The following EIF5A2 variants were observed in gnomAD, a reference collection of about 807,000 sequenced individuals.
EIF5A2 encodes eukaryotic translation initiation factor 5A2.
EIF5A2 carries 15 observed loss-of-function variants against 16.4 expected under a neutral mutation model. That is an observed-to-expected ratio of 0.92 (90% CI 0.61 to 1.41). The LOEUF is 1.41. EIF5A2 is among the 40% of genes most tolerant of loss of function. EIF5A2 has a pLI of 0.00. For synonymous variants in EIF5A2, 48 were observed against 61.1 expected (o/e 0.79, Z 1.00); for missense variants, 144 against 189.5 (o/e 0.76, Z 1.41).
rs1712567602 is a variant in EIF5A2, at chr3:170,892,762, C to T, written c.*598G>A. 6 of 398,582 alleles carry T rather than the reference C, an allele frequency of 1.5e-5. No individual in the cohort carries two copies. The East Asian group carries it at 2.1e-4, about 14-fold the overall frequency. The allele number at this position is 398,582 out of a possible 1,614,324, so 24.7% of individuals were successfully genotyped here. A position where few individuals can be genotyped will look rare whatever the true frequency, so the allele number is the denominator to read the frequency against. On this transcript the variant is annotated 3_prime_UTR_variant, in exon 5 of 5. Coordinates refer to ENST00000295822, the MANE Select transcript of EIF5A2 (RefSeq NM_020390.6). ...AACCATAAGAAGGGACTAAAACCAC[C>T]ATATAAGGTTACATCAAGTTTGCCA...
intron 3 of EIF5A2, among the ~76,000 whole-genome samples, chr3:170,899,608 G>GA (rs1712760525): frequency 3.3e-5 from 5 of 151,878 alleles, no homozygotes; most frequent in Non-Finnish European, 7.4e-5. Context: ...ATCCTATCAG[G>GA]AGGCAAATGT....
chr3:170,890,985 T>C lies in EIF5A2; in HGVS notation c.*2375A>G, dbSNP rs2108290772. 1 of 152,726 alleles carries C rather than the reference T, an allele frequency of 6.5e-6. No homozygotes were observed. The highest frequency in any genetic ancestry group is 2.1e-4 in the South Asian group (1 of 4,830). 9.5% of individuals were successfully genotyped at this position (152,726 alleles called of 1,614,324 possible). On this transcript the variant is annotated 3_prime_UTR_variant, in exon 5 of 5. Coordinates refer to ENST00000295822, the MANE Select transcript of EIF5A2 (RefSeq NM_020390.6). The stretch of plus-strand genomic sequence containing the variant: ...TTATATATCGAGTATTTACACTTCA[T>C]ATATTACTTAAAATGAAAATATTTA...
rs1712480800 is a variant in EIF5A2, at chr3:170,889,624, C to A, written c.*3736G>T. On this transcript the variant is annotated 3_prime_UTR_variant, in exon 5 of 5. Coordinates refer to ENST00000295822, the MANE Select transcript of EIF5A2 (RefSeq NM_020390.6). ...AAATATGCTTATATTTTCACTCTTA[C>A]ACTGCTTAAGAGCCATATTTTCTCA... is the stretch of plus-strand genomic sequence containing the variant. 6.6e-6 allele frequency: 1 copy of A among 152,530 alleles called. No individual in the cohort carries two copies. The allele number at this position is 152,530 out of a possible 1,614,324, so 9.4% of individuals were successfully genotyped here.
chr3:170,903,574 G>A (rs374696927), intron 3 of EIF5A2, among the ~76,000 whole-genome samples: 3 of 152,102 alleles, frequency 2.0e-5, no homozygotes, highest in South Asian at 4.2e-4. Flanking sequence ...TCTAGTCCTC[G>A]CAACATTGGG....
In EIF5A2 at chr3:170,892,896, C is replaced by A; in HGVS notation, c.*464G>T. The stretch of plus-strand genomic sequence containing the variant: ...TTTTGTTTAAGGATTTGTGTTTGCC[C>A]TACACAGGCTGAAAGTGCAACAATT... On this transcript the variant is annotated 3_prime_UTR_variant, in exon 5 of 5. Coordinates refer to ENST00000295822, the MANE Select transcript of EIF5A2 (RefSeq NM_020390.6). 1 of 399,048 alleles carries A rather than the reference C, an allele frequency of 2.5e-6. No homozygotes were observed. The highest frequency in any genetic ancestry group is 1.3e-4 in the South Asian group (1 of 7,842). 24.7% of individuals were successfully genotyped at this position (399,048 alleles called of 1,614,324 possible). A position where few individuals can be genotyped will look rare whatever the true frequency, so the allele number is the denominator to read the frequency against.
In EIF5A2 at chr3:170,898,037, C is replaced by T. The variant is rs118176151; in HGVS notation, c.271-3614G>A. ...ACTGAATGGCTACCCTGCTAGGTTT[C>T]GGACTTGTATGGGACCTGTAGCTCC... is the stretch of plus-strand genomic sequence containing the variant. On this transcript the variant is annotated intron_variant, in intron 3 of 4. Coordinates refer to ENST00000295822, the MANE Select transcript of EIF5A2 (RefSeq NM_020390.6). Among the ~76,000 whole-genome samples the T allele has an allele frequency of 2.6e-4, 40 of 152,318 alleles. No homozygotes were observed. In the East Asian group the frequency reaches 4.2e-3, roughly 16 times the overall value.
rs1712524379 is a variant in EIF5A2, at chr3:170,891,146, T to C, written c.*2214A>G. 1 of 152,484 alleles carries C rather than the reference T, an allele frequency of 6.6e-6. No homozygotes were observed. Among genetic ancestry groups the C allele is most frequent in the African/African-American group, 2.4e-5 (1 of 41,440 alleles). The allele number at this position is 152,484 out of a possible 1,614,324, so 9.4% of individuals were successfully genotyped here. ...GTTAGGAAGAACAGGGGCATGCTAATTGAGAGTTAATACTGAATCATAACA... is the reference window on the plus strand; with the variant it reads ...GTTAGGAAGAACAGGGGCATGCTAACTGAGAGTTAATACTGAATCATAACA... On this transcript the variant is annotated 3_prime_UTR_variant, in exon 5 of 5. Coordinates refer to ENST00000295822, the MANE Select transcript of EIF5A2 (RefSeq NM_020390.6).
chr3:170,893,994 G>A (rs986240189), intron 4 of EIF5A2, among the ~76,000 whole-genome samples: 2 of 151,472 alleles, frequency 1.3e-5, no homozygotes, highest in African/African-American at 4.8e-5. Flanking sequence ...TCACGCCACT[G>A]CACTCCAGCC....
chr3:170,899,833 G>C (rs764193185), intron 3 of EIF5A2, among the ~76,000 whole-genome samples: 5 of 151,976 alleles, frequency 3.3e-5, no homozygotes, highest in Non-Finnish European at 7.4e-5. Context: ...CCATAGAGTT[G>C]GAAGGTGGGG....
At position 170,907,716 on chromosome 3, in the gene EIF5A2, C is replaced by T; in HGVS notation, c.91G>A (p.Val31Met). Reference protein sequence around the residue: ...QCSALRKNGFVVLKGRPCKIV... With the variant: ...QCSALRKNGFMVLKGRPCKIV... The stretch of plus-strand genomic sequence containing the variant: ...TTGCATGGTCGTCCTTTGAGCACCA[C>T]GAAGCCGTTTTTGCGCAAGGCCGAG... The change falls in exon 2 of 5, where the codon GTG (valine) becomes ATG (methionine). Residue 31 changes from valine to methionine, a missense_variant. By Grantham distance (21) the Val-to-Met change is conservative. Transcript: ENST00000295822. 3 of 1,611,244 alleles carry T rather than the reference C, an allele frequency of 1.9e-6. No individual in the cohort carries two copies. Among genetic ancestry groups the T allele is most frequent in the African/African-American group, 1.3e-5 (1 of 75,014 alleles).
rs776746290 is a variant in EIF5A2, at chr3:170,894,364, C to T, written c.330G>A (p.Glu110=). 6.2e-6 allele frequency: 10 copies of T among 1,613,884 alleles called. No individual in the cohort carries two copies. The highest frequency in any genetic ancestry group is 1.3e-5 in the African/African-American group (1 of 74,898). Residue 110 remains glutamate (E), a synonymous_variant, in exon 4 of 5, where the codon GAG becomes GAA. Transcript: ENST00000295822. ...GTTCACCTTCTGGCAGTTTAAGATC[C>T]TCACGAACTTCACCAGTTTCTGTCA... is the stretch of plus-strand genomic sequence containing the variant. ...SLLTETGEVR[E]DLKLPEGELG...
rs544600674 is a variant in EIF5A2, at chr3:170,892,874, T to G, written c.*486A>C. 2.0e-3 allele frequency: 793 copies of G among 398,984 alleles called. 3 individuals carry two copies. The highest frequency in any genetic ancestry group is 0.016 in the Middle Eastern group (26 of 1,586). The allele number at this position is 398,984 out of a possible 1,614,324, so 24.7% of individuals were successfully genotyped here. A position where few individuals can be genotyped will look rare whatever the true frequency, so the allele number is the denominator to read the frequency against. On this transcript the variant is annotated 3_prime_UTR_variant, in exon 5 of 5. Transcript: ENST00000295822. Reference sequence around the variant, plus strand: ...TGACAGTTTTTGATAACATGATTTTTGTTTAAGGATTTGTGTTTGCCCTAC... The same window carrying G: ...TGACAGTTTTTGATAACATGATTTTGGTTTAAGGATTTGTGTTTGCCCTAC...
At chr3:170,902,241 A>G (rs943108720) in intron 3 of EIF5A2, among the ~76,000 whole-genome samples, 4 of 152,136 alleles carry the variant, frequency 2.6e-5, no homozygotes, top group African/African-American at 7.2e-5. Flanking sequence ...AATATTCACA[A>G]TGGTTTCTAG....
At chr3:170,907,961 C>T (rs1189622520) in intron 1 of EIF5A2, 120 bp from the exon 2 acceptor site, 1 of 708,530 alleles carries the variant, frequency 1.4e-6, no homozygotes, top group Non-Finnish European at 2.1e-6. Context: ...TAAGGAACAC[C>T]CACCCTAGAC....
chr3:170,907,956 A>G, intron 1 of EIF5A2, 115 bp from the exon 2 acceptor site: 1 of 772,110 alleles, frequency 1.3e-6, no homozygotes, highest in Non-Finnish European at 1.9e-6. Context: ...GCATGTAAGG[A>G]ACACCCACCC....
At chr3:170,905,123 C>A (rs537871945) in intron 3 of EIF5A2, among the ~76,000 whole-genome samples, 8 of 152,262 alleles carry the variant, frequency 5.3e-5, no homozygotes, top group East Asian at 1.9e-4. Flanking sequence ...CATTTTAATG[C>A]AATATTTTAA....
Position 170,888,937 on chromosome 3 carries a change from C to G in EIF5A2, c.*4423G>C, listed in dbSNP as rs1166608969. 6.6e-6 allele frequency: 1 copy of G among 151,322 alleles called. No individual in the cohort carries two copies. The allele number at this position is 151,322 out of a possible 1,614,324, so 9.4% of individuals were successfully genotyped here. On this transcript the variant is annotated 3_prime_UTR_variant, in exon 5 of 5. Coordinates refer to ENST00000295822, the MANE Select transcript of EIF5A2 (RefSeq NM_020390.6). ...TGTGTGACAAGCTGTTCGGTCATTG[C>G]TGAAAATAGTCCAGAGTTTTTTAAA...
chr3:170,897,430 C>G (rs1712700894), intron 3 of EIF5A2, among the ~76,000 whole-genome samples: 2 of 152,196 alleles, frequency 1.3e-5, no homozygotes, highest in South Asian at 4.1e-4. Flanking sequence ...TGGGCCAGGC[C>G]CAGAGCCCTG....
chr3:170,901,019 A>G (rs1444268024), intron 3 of EIF5A2, among the ~76,000 whole-genome samples: 1 of 152,258 alleles, frequency 6.6e-6, no homozygotes, highest in African/African-American at 2.4e-5. Flanking sequence ...GCTAAAGGAA[A>G]GAAAGGAAGA....
Sources: allele counts gnomAD v4.1 joint callset (sites outside exome capture counted in the v4.1 genomes callset), GRCh38; gene constraint gnomAD v4.1.1; transcripts MANE v1.5; gene names NCBI Gene and HGNC (gene_info 2026-07-23, HGNC 2026-07-21).